The following TTC23 variants were observed in gnomAD, a reference collection of about 807,000 sequenced individuals.
TTC23 encodes the protein tetratricopeptide repeat domain 23, also known as tetratricopeptide repeat protein 23.
In TTC23, 58 loss-of-function variants were observed where a neutral mutation model predicts 55.1. The ratio of observed to expected loss-of-function variants is 1.05; its 90% CI spans 0.85 to 1.31. The LOEUF is 1.31. Among genes scored for constraint, TTC23 ranks in the 50% most tolerant of loss-of-function variants. The pLI is 0.00. For missense variants in TTC23, 516 were observed against 534.4 expected (o/e 0.97, Z 0.34); for synonymous variants, 203 against 199.9 (o/e 1.02, Z -0.13).
chr15:99,145,815 A>G (rs1555492934), intron 12 of TTC23, among the ~76,000 whole-genome samples: 1 of 152,110 alleles, frequency 6.6e-6, no homozygotes, highest in African/African-American at 2.4e-5. Flanking sequence ...CTCTCATGAG[A>G]GAAACACAGG....
At chr15:99,231,632 A>G (rs1257402130) in intron 4 of TTC23, among the ~76,000 whole-genome samples, 2 of 152,012 alleles carry the variant, frequency 1.3e-5, no homozygotes, top group East Asian at 3.9e-4. Flanking sequence ...AGCTGGGACT[A>G]CAGGCGCCCG....
At chr15:99,140,524 C>T (rs2068107751) in intron 12 of TTC23, 1 of 152,080 alleles carries the variant, frequency 6.6e-6, no homozygotes, top group African/African-American at 2.4e-5. Context: ...TGCCCGCCAC[C>T]ACACTCAGCT....
chr15:99,242,619 T>C (rs1009228623), intron 2 of TTC23, among the ~76,000 whole-genome samples: 2 of 152,152 alleles, frequency 1.3e-5, no homozygotes. Flanking sequence ...TCTAGCAACA[T>C]ATACAAAGGA....
At position 99,194,552 on chromosome 15, in the gene TTC23, C is replaced by CAA. The variant is rs760038465; in HGVS notation, c.759+5365_759+5366dup. Reference sequence around the variant, plus strand: ...TGCTGGAAAAATTGGACATCACGTGCAAAAAAAAAAAAAAAAAAAAAAAGA... The same window carrying CAA: ...TGCTGGAAAAATTGGACATCACGTGCAAAAAAAAAAAAAAAAAAAAAAAAAGA... On this transcript the variant is annotated intron_variant, in intron 9 of 13. Coordinates refer to ENST00000394132, the MANE Select transcript of TTC23 (RefSeq NM_001288615.3). Among the ~76,000 whole-genome samples the CAA allele has an allele frequency of 8.4e-3, 329 of 39,160 alleles. 3 individuals carry two copies. Among genetic ancestry groups the CAA allele is most frequent in the East Asian group, 0.013 (14 of 1,104 alleles). 25.7% of individuals were successfully genotyped at this position (39,160 alleles called of 152,430 possible).
intron 8 of TTC23, among the ~76,000 whole-genome samples, chr15:99,205,741 T>C (rs747613375): frequency 8.5e-5 from 13 of 152,222 alleles, no homozygotes; most frequent in Non-Finnish European, 1.8e-4. Flanking sequence ...TATAAGATCA[T>C]ATCATCTACA....
intron 9 of TTC23, among the ~76,000 whole-genome samples, chr15:99,178,136 C>T (rs553284257): frequency 3.3e-5 from 5 of 152,104 alleles, no homozygotes; most frequent in Admixed American, 2.0e-4. Context: ...GAGCCGTGAT[C>T]GTGTACTGCA....
intron 9 of TTC23, among the ~76,000 whole-genome samples, chr15:99,177,007 CA>C (rs1438609825): frequency 1.3e-5 from 2 of 152,196 alleles, no homozygotes; most frequent in African/African-American, 4.8e-5. Context: ...GCAGCTGGCA[CA>C]GGAGATCAAG....
intron 9 of TTC23, among the ~76,000 whole-genome samples, chr15:99,190,725 A>T (rs1200820967): frequency 6.6e-6 from 1 of 152,160 alleles, no homozygotes; most frequent in Non-Finnish European, 1.5e-5. Flanking sequence ...CAAGACCTAC[A>T]TGCTGCATGC....
chr15:99,224,276 T>C (rs576845188), intron 5 of TTC23, among the ~76,000 whole-genome samples: 1 of 152,302 alleles, frequency 6.6e-6, no homozygotes, highest in East Asian at 1.9e-4. Flanking sequence ...AGCAAAAAGA[T>C]AAAAACTAAA....
At chr15:99,162,589 A>G (rs998433317) in intron 10 of TTC23, among the ~76,000 whole-genome samples, 2 of 152,190 alleles carry the variant, frequency 1.3e-5, no homozygotes, top group African/African-American at 2.4e-5. Flanking sequence ...CTAGGGATGA[A>G]GCCTGAGGCT....
chr15:99,216,507 T>C (rs1250578596), intron 8 of TTC23, among the ~76,000 whole-genome samples: 2 of 151,772 alleles, frequency 1.3e-5, no homozygotes, highest in Admixed American at 6.6e-5. Flanking sequence ...TTATAATATA[T>C]AAGAAAACCC....
At chr15:99,177,514 G>C (rs2073701932) in intron 9 of TTC23, among the ~76,000 whole-genome samples, 1 of 151,928 alleles carries the variant, frequency 6.6e-6, no homozygotes, top group Non-Finnish European at 1.5e-5. Flanking sequence ...TTTGGAGAAA[G>C]GAAAAAAGAG....
chr15:99,188,183 A>C (rs893673793), intron 9 of TTC23, among the ~76,000 whole-genome samples: 1 of 152,100 alleles, frequency 6.6e-6, no homozygotes, highest in African/African-American at 2.4e-5. Context: ...AAGAATTGAT[A>C]CATGCTAAAC....
intron 4 of TTC23, among the ~76,000 whole-genome samples, chr15:99,233,669 C>T (rs977637599): frequency 6.6e-6 from 1 of 152,158 alleles, no homozygotes; most frequent in Non-Finnish European, 1.5e-5. Context: ...TGCTTTATCT[C>T]TACGATCAGA....
At chr15:99,139,207 A>G (rs1443334161) in intron 13 of TTC23, 110 bp downstream of exon 13, 2 of 1,402,478 alleles carry the variant, frequency 1.4e-6, no homozygotes, top group Admixed American at 2.0e-5. Flanking sequence ...ATGGGAAGTC[A>G]GCAAAACATT....
intron 12 of TTC23, chr15:99,148,510 T>G (rs944659816): frequency 6.6e-6 from 1 of 152,162 alleles, no homozygotes; most frequent in Admixed American, 6.5e-5. Flanking sequence ...CACATACAAT[T>G]TTTTGTGTGT....
chr15:99,144,085 G>A (rs1210445511), intron 12 of TTC23, among the ~76,000 whole-genome samples: 1 of 152,178 alleles, frequency 6.6e-6, no homozygotes, highest in Non-Finnish European at 1.5e-5. Flanking sequence ...TTCACTATTT[G>A]CTGCTTACTC....
At chr15:99,138,621 C>G (rs1303747670) in intron 13 of TTC23, among the ~76,000 whole-genome samples, 1 of 152,224 alleles carries the variant, frequency 6.6e-6, no homozygotes, top group African/African-American at 2.4e-5. Context: ...CCCCTCCCAT[C>G]TTTTAAAATC....
rs151021606 is a variant in TTC23, at chr15:99,218,989, T to C, written c.364A>G (p.Ile122Val). Residue 122 changes from isoleucine to valine, a missense_variant, in exon 7 of 14, where the codon ATT (isoleucine) becomes GTT (valine). By Grantham distance (29) the Ile-to-Val change is conservative (BLOSUM62 3). Transcript: ENST00000394132. ...GTATTCTCACTATAGGGAGGCACAATGGAGTTGGCGAGGATTTGTCTGGCT... is the reference window on the plus strand; with the variant it reads ...GTATTCTCACTATAGGGAGGCACAACGGAGTTGGCGAGGATTTGTCTGGCT... ...EKARQILANS[I>V]VPPYSENTDV... The C allele has an allele frequency of 1.4e-4, 220 of 1,614,202 alleles. No homozygotes were observed. The East Asian group carries it at 3.5e-3, about 26-fold the overall frequency.
Sources: allele counts gnomAD v4.1 joint callset (sites outside exome capture counted in the v4.1 genomes callset), GRCh38; gene constraint gnomAD v4.1.1; transcripts MANE v1.5; gene names NCBI Gene and HGNC (gene_info 2026-07-23, HGNC 2026-07-21).